Variants in ZNF207 observed in about 807,000 individuals in gnomAD.
ZNF207 encodes the protein zinc finger protein 207.
In ZNF207, 24 loss-of-function variants were observed where a neutral mutation model predicts 60.2. The ratio of observed to expected loss-of-function variants is 0.40; its 90% confidence interval spans 0.29 to 0.56. The LOEUF is 0.56. Among genes scored for constraint, ZNF207 ranks in the 20% least tolerant of loss-of-function variants. ZNF207 has a pLI of 0.49. For missense variants in ZNF207, 452 were observed against 636.6 expected (o/e 0.71, Z 3.12); for synonymous variants, 236 against 194.7 (o/e 1.21, Z -1.77).
At chr17:32,350,691 G>T (rs1024461363) in intron 1 of ZNF207, among the ~76,000 whole-genome samples, 8 of 152,096 alleles carry the variant, frequency 5.3e-5, no homozygotes, top group Non-Finnish European at 1.0e-4. Flanking sequence ...AGTGCGATAG[G>T]CTTATTACTT....
chr17:32,365,696 A>G (rs1052356017), intron 8 of ZNF207: 4 of 254,492 alleles, frequency 1.6e-5, no homozygotes, highest in Non-Finnish European at 2.8e-5. Flanking sequence ...AGCCAAAGTT[A>G]GTATGTTACT....
chr17:32,358,616 A>G lies in ZNF207; in HGVS notation c.282A>G (p.Arg94=). ...GIPEKDMDER[R]RLLEQKTQES... ...CAGAAAAAGACATGGATGAAAGACGACGACTTCTTGAACAGAAAACACAAG... is the reference window on the plus strand; with the variant it reads ...CAGAAAAAGACATGGATGAAAGACGGCGACTTCTTGAACAGAAAACACAAG... The change falls in exon 3 of 12, where the codon CGA becomes CGG. Residue 94 remains arginine (R), a synonymous_variant. Transcript: ENST00000394670. 1 of 1,530,700 alleles carries G rather than the reference A, an allele frequency of 6.5e-7. No homozygotes were observed. Among genetic ancestry groups the G allele is most frequent in the Non-Finnish European group, 8.7e-7 (1 of 1,147,700 alleles). 94.8% of individuals were successfully genotyped at this position (1,530,700 alleles called of 1,614,324 possible).
At position 32,362,981 on chromosome 17, in the gene ZNF207, C is replaced by A; in HGVS notation, c.667C>A (p.Pro223Thr). ...ACCACCTCTGATGCCTGGAATGCCA[C>A]CAGGTATATGTTAGATAATTTCATT... The part of the protein sequence containing the change: ...GIPPLMPGMP[P>T]GMPPPVPRPG... Residue 223 changes from proline to threonine, a missense_variant, in exon 7 of 12, where the codon CCA becomes ACA. Physicochemically the swap from Pro to Thr is conservative, Grantham distance 38. Around this residue, in one of 2 missense-constraint regions of ZNF207, gnomAD observed 390 missense variants for 461.4 expected, o/e 0.85. Transcript: ENST00000394670. 6.2e-7 allele frequency: 1 copy of A among 1,612,798 alleles called. No individual in the cohort carries two copies. The highest frequency in any genetic ancestry group is 8.5e-7 in the Non-Finnish European group (1 of 1,179,658).
chr17:32,378,922 A>C lies in ZNF207; in HGVS notation c.*9163A>C, dbSNP rs1331369309. 1.3e-5 allele frequency: 2 copies of C among 152,092 alleles called. No homozygotes were observed. The highest frequency in any genetic ancestry group is 4.8e-5 in the African/African-American group (2 of 41,454). 9.4% of individuals were successfully genotyped at this position (152,092 alleles called of 1,614,324 possible). A position where few individuals can be genotyped will look rare whatever the true frequency, so the allele number is the denominator to read the frequency against. On this transcript the variant is annotated 3_prime_UTR_variant, in exon 12 of 12. Transcript: ENST00000394670. Reference sequence around the variant, plus strand: ...TTCACCTTGTGTGATGTTTAATTTGAGACGATCTAGCCATAAAACTAGTAA... The same window carrying C: ...TTCACCTTGTGTGATGTTTAATTTGCGACGATCTAGCCATAAAACTAGTAA...
chr17:32,359,984 A>G (rs1904761413), intron 3 of ZNF207, among the ~76,000 whole-genome samples: 1 of 152,180 alleles, frequency 6.6e-6, no homozygotes, highest in Admixed American at 6.5e-5. Flanking sequence ...GTTTTTGAAG[A>G]CATACTTGAT....
intron 10 of ZNF207, chr17:32,368,324 A>G (rs991533044): frequency 4.9e-5 from 16 of 329,322 alleles, no homozygotes; most frequent in Non-Finnish European, 7.4e-5. Context: ...TGTTAATTGA[A>G]TAAACGTTAA....
chr17:32,361,550 A>G (rs1904881633), intron 6 of ZNF207, 35 bp downstream of exon 6: 2 of 1,565,050 alleles, frequency 1.3e-6, no homozygotes, highest in Non-Finnish European at 1.7e-6. Context: ...TTCAGGAGGT[A>G]TAATCATACT....
At chr17:32,361,308 A>G in intron 5 of ZNF207, 160 bp from the exon 6 acceptor site, 1 of 596,726 alleles carries the variant, frequency 1.7e-6, no homozygotes. Flanking sequence ...AACTCTGTAA[A>G]TGATTTATTT....
chr17:32,367,371 C>T (rs778277250), intron 9 of ZNF207, among the ~76,000 whole-genome samples: 24 of 145,444 alleles, frequency 1.7e-4, no homozygotes, highest in Non-Finnish European at 3.3e-4. Context: ...AACTCATATT[C>T]TGTAGTTTTT....
In ZNF207 at chr17:32,371,462, ACATTGGCTGGGTGCAGTGGCTCACGCCTG is replaced by A. The variant is rs11271218; in HGVS notation, c.*1704_*1732del. ...ATAAAGCTGAATGCTATTTTAACTC[ACATTGGCTGGGTGCAGTGGCTCACGCCTG>A]TAATCCCAGCCCTCTGGAAGGCTGA... On this transcript the variant is annotated 3_prime_UTR_variant, in exon 12 of 12. Coordinates refer to ENST00000394670, the MANE Select transcript of ZNF207 (RefSeq NM_001098507.2). The A allele has an allele frequency of 0.17, 25,756 of 152,220 alleles. 2,628 individuals are homozygous for A. The highest frequency in any genetic ancestry group is 0.28 in the African/African-American group (11,541 of 41,510). 9.4% of individuals were successfully genotyped at this position (152,220 alleles called of 1,614,324 possible). A position where few individuals can be genotyped will look rare whatever the true frequency, so the allele number is the denominator to read the frequency against.
chr17:32,354,218 C>T (rs891100428), intron 2 of ZNF207, among the ~76,000 whole-genome samples: 2 of 152,158 alleles, frequency 1.3e-5, no homozygotes, highest in African/African-American at 2.4e-5. Flanking sequence ...CAGGATCAAT[C>T]GATTCTCCCA....
chr17:32,367,735 T>G, intron 9 of ZNF207, 37 bp from the exon 10 acceptor site: 1 of 1,607,660 alleles, frequency 6.2e-7, no homozygotes, highest in Non-Finnish European at 8.5e-7. Context: ...TAATTTAAGG[T>G]TTTGAAGTTT....
chr17:32,358,703 A>AC (rs1347282109), intron 3 of ZNF207, 62 bp downstream of exon 3: 6 of 1,202,622 alleles, frequency 5.0e-6, no homozygotes, highest in Non-Finnish European at 6.4e-6. Flanking sequence ...TTTTTTTGAG[A>AC]CAGAGGCTTA....
Position 32,366,674 on chromosome 17 carries a change from C to G in ZNF207, c.838C>G (p.Pro280Ala). The G allele has an allele frequency of 6.2e-7, 1 of 1,607,126 alleles. No individual in the cohort carries two copies. The highest frequency in any genetic ancestry group is 1.3e-5 in the African/African-American group (1 of 74,556). ...LFPSAGQMGTPVTSSSTASSN... is the reference protein window; with the variant it reads ...LFPSAGQMGTAVTSSSTASSN... The stretch of plus-strand genomic sequence containing the variant: ...TTCTTTTATGCTACAGATGGGGACA[C>G]CTGTCACAAGCTCAAGTACAGCTTC... The change falls in exon 9 of 12, where the codon CCT (proline) becomes GCT (alanine). Residue 280 changes from proline (P) to alanine (A), a missense_variant. Pro to Ala is a conservative substitution (Grantham distance 27). Coordinates refer to ENST00000394670, the MANE Select transcript of ZNF207 (RefSeq NM_001098507.2).
At position 32,360,300 on chromosome 17, in the gene ZNF207, C is replaced by T. The variant is rs148408626; in HGVS notation, c.308-298C>T. ...AGGAGTTTGAGAGTGCAGTGAGCTG[C>T]AGTCGTGCCACTGCTGTACAGCCTG... On this transcript the variant is annotated intron_variant, in intron 3 of 11. Coordinates refer to ENST00000394670, the MANE Select transcript of ZNF207 (RefSeq NM_001098507.2). 2.2e-3 allele frequency among the ~76,000 whole-genome samples: 328 copies of T among 151,624 alleles called. 3 individuals carry two copies. The highest frequency in any genetic ancestry group is 3.1e-3 in the Non-Finnish European group (210 of 67,950).
intron 8 of ZNF207, chr17:32,365,738 GTTT>G (rs60104494): frequency 2.9e-4 from 39 of 134,048 alleles, no homozygotes; most frequent in Non-Finnish European, 5.4e-4. Flanking sequence ...TTTATTCTTA[GTTT>G]TTTTTTTTTT....
In ZNF207 at chr17:32,351,820, C is replaced by T; in HGVS notation, c.76C>T (p.Leu26Phe). 1 of 1,610,906 alleles carries T rather than the reference C, an allele frequency of 6.2e-7. No homozygotes were observed. The part of the protein sequence containing the change: ...CNRDFDDEKI[L>F]IQHQKAKHFK... ...TAGAGATTTTGATGATGAGAAGATC[C>T]TTATTCAGCACCAAAAAGCAAAGCA... The change falls in exon 2 of 12, where the codon CTT (leucine) becomes TTT (phenylalanine). Residue 26 changes from leucine (L) to phenylalanine (F), a missense_variant. Coordinates refer to ENST00000394670, the MANE Select transcript of ZNF207 (RefSeq NM_001098507.2).
chr17:32,358,577 T>A lies in ZNF207; in HGVS notation c.243T>A (p.Gly81=). ...GRTDIELEIY[G]MEGIPEKDMD... ...CAGACATAGAGTTGGAAATATATGG[T>A]ATGGAAGGTATTCCAGAAAAAGACA... The change falls in exon 3 of 12, where the codon GGT becomes GGA. Residue 81 remains glycine, a synonymous_variant. Transcript: ENST00000394670. 1 of 1,554,830 alleles carries A rather than the reference T, an allele frequency of 6.4e-7. No individual in the cohort carries two copies.
intron 6 of ZNF207, 54 bp from the exon 7 acceptor site, chr17:32,362,860 A>G (rs1157973802): frequency 1.3e-6 from 2 of 1,502,608 alleles, no homozygotes; most frequent in African/African-American, 2.8e-5. Flanking sequence ...AATATTTTTT[A>G]ATGGTTTATG....
Sources: allele counts gnomAD v4.1 joint callset (sites outside exome capture counted in the v4.1 genomes callset), GRCh38; gene constraint gnomAD v4.1.1; regional missense constraint gnomAD v4.1.1; transcripts MANE v1.5; gene names NCBI Gene and HGNC (gene_info 2026-07-23, HGNC 2026-07-21).